Variants in COL25A1 observed in about 807,000 individuals in gnomAD.
COL25A1 encodes collagen alpha-1(XXV) chain.
COL25A1 carries 103 observed loss-of-function variants against 128.4 expected under a neutral mutation model. The ratio of observed to expected loss-of-function variants is 0.80; its 90% CI spans 0.68 to 0.94. The LOEUF (loss-of-function observed/expected upper bound fraction) is 0.94. COL25A1 is among the 40% of genes least tolerant of loss of function. The pLI is 0.00. For missense variants in COL25A1, 745 were observed against 840.0 expected (o/e 0.89, Z 1.40); for synonymous variants, 279 against 277.2 (o/e 1.01, Z -0.06).
chr4:109,195,681 T>C (rs1372158682), intron 3 of COL25A1, among the ~76,000 whole-genome samples: 1 of 152,166 alleles, frequency 6.6e-6, no homozygotes, highest in African/African-American at 2.4e-5. Flanking sequence ...TTTCCCAGAC[T>C]GTCATATTGA....
In COL25A1 at chr4:108,812,632, A is replaced by G. The variant is rs1730885202; in HGVS notation, c.*1295T>C. On this transcript the variant is annotated 3_prime_UTR_variant, in exon 38 of 38. Transcript: ENST00000399132. ...CAAAACATATGTGACAAAAACTGAA[A>G]CTAATATTTTTTCAATATTCTTGGG... The G allele has an allele frequency of 6.6e-6, 1 of 152,198 alleles. No homozygotes were observed. The allele number at this position is 152,198 out of a possible 1,614,324, so 9.4% of individuals were successfully genotyped here. A position where few individuals can be genotyped will look rare whatever the true frequency, so the allele number is the denominator to read the frequency against.
intron 3 of COL25A1, among the ~76,000 whole-genome samples, chr4:109,071,198 A>G (rs1159950655): frequency 6.6e-6 from 1 of 152,226 alleles, no homozygotes; most frequent in East Asian, 1.9e-4. Context: ...AAATGGGGAA[A>G]GGATTCCCTA....
intron 32 of COL25A1, among the ~76,000 whole-genome samples, chr4:108,827,866 C>G (rs1013166700): frequency 1.2e-4 from 19 of 152,204 alleles, no homozygotes; most frequent in Middle Eastern, 3.4e-3. Context: ...CAGGGAAACC[C>G]TTTCTCGATT....
At chr4:109,187,202 C>T (rs74873442) in intron 3 of COL25A1, among the ~76,000 whole-genome samples, 2 of 19,314 alleles carry the variant, frequency 1.0e-4, no homozygotes, top group South Asian at 1.2e-3. Context: ...TTGCTCTCTA[C>T]ACACACACAC....
intron 6 of COL25A1, among the ~76,000 whole-genome samples, chr4:108,984,637 C>A (rs921004212): frequency 6.6e-6 from 1 of 152,236 alleles, no homozygotes; most frequent in African/African-American, 2.4e-5. Context: ...GCCAGCCGGC[C>A]GCTCCGAAGT....
chr4:109,025,870 T>C (rs1210315076), intron 5 of COL25A1, among the ~76,000 whole-genome samples: 1 of 151,696 alleles, frequency 6.6e-6, no homozygotes, highest in African/African-American at 2.4e-5. Flanking sequence ...TTCAGAGAGG[T>C]TAAATAACGT....
chr4:109,098,791 G>T (rs1230684458), intron 3 of COL25A1, among the ~76,000 whole-genome samples: 1 of 152,170 alleles, frequency 6.6e-6, no homozygotes, highest in Admixed American at 6.5e-5. Flanking sequence ...TTTAAGCACA[G>T]GATGTTTAGT....
At chr4:109,014,098 G>A (rs1164099226) in intron 5 of COL25A1, among the ~76,000 whole-genome samples, 2 of 152,172 alleles carry the variant, frequency 1.3e-5, no homozygotes, top group Non-Finnish European at 2.9e-5. Flanking sequence ...CTTGAGGTCA[G>A]GGGTTTGAGA....
chr4:109,068,426 AG>A (rs1387079232), intron 3 of COL25A1, among the ~76,000 whole-genome samples: 1 of 151,970 alleles, frequency 6.6e-6, no homozygotes, highest in Admixed American at 6.6e-5. Flanking sequence ...GAAGGGAGGG[AG>A]GGAAGCAGGG....
chr4:109,175,224 T>A (rs1773977461), intron 3 of COL25A1, among the ~76,000 whole-genome samples: 2 of 152,186 alleles, frequency 1.3e-5, no homozygotes, highest in Admixed American at 1.3e-4. Context: ...CTTCTACTCA[T>A]GGCCAAGGTC....
At chr4:108,835,593 T>G (rs1261575609) in intron 31 of COL25A1, among the ~76,000 whole-genome samples, 1 of 152,150 alleles carries the variant, frequency 6.6e-6, no homozygotes, top group Non-Finnish European at 1.5e-5. Context: ...TCACCCTTGT[T>G]GCCCAGGCTG....
intron 3 of COL25A1, among the ~76,000 whole-genome samples, chr4:109,176,223 C>T (rs1774082357): frequency 6.6e-6 from 1 of 152,156 alleles, no homozygotes; most frequent in South Asian, 2.1e-4. Context: ...AACCCTGTCT[C>T]TACTAAAATA....
chr4:109,008,544 A>C (rs1444568497), intron 6 of COL25A1, among the ~76,000 whole-genome samples: 2 of 152,226 alleles, frequency 1.3e-5, no homozygotes, highest in Non-Finnish European at 2.9e-5. Flanking sequence ...TCCTATTAAA[A>C]ATTAAAATAT....
Position 108,954,337 on chromosome 4 carries a change from G to A in COL25A1, c.493-12900C>T, listed in dbSNP as rs116763453. On this transcript the variant is annotated intron_variant, in intron 8 of 37. Transcript: ENST00000399132. ...GTGGTTGATAATGTTGTTATTTAAC[G>A]AAATGCAGTACATTTTTTATATTAA... Among the ~76,000 whole-genome samples the A allele has an allele frequency of 3.2e-3, 491 of 152,046 alleles. 3 individuals are homozygous for A. Among genetic ancestry groups the A allele is most frequent in the Non-Finnish European group, 6.2e-3 (424 of 67,908 alleles).
At chr4:108,828,927 T>C (rs529805513) in intron 32 of COL25A1, among the ~76,000 whole-genome samples, 11 of 152,352 alleles carry the variant, frequency 7.2e-5, no homozygotes, top group Admixed American at 2.6e-4. Flanking sequence ...GCATTTTCTT[T>C]ATCTAAATTT....
intron 16 of COL25A1, among the ~76,000 whole-genome samples, chr4:108,894,768 T>G (rs1398960038): frequency 6.6e-6 from 1 of 152,226 alleles, no homozygotes; most frequent in Non-Finnish European, 1.5e-5. Flanking sequence ...ATTTCAAATT[T>G]TGACTTTGAG....
intron 3 of COL25A1, among the ~76,000 whole-genome samples, chr4:109,087,124 T>C (rs974498354): frequency 6.6e-6 from 1 of 152,028 alleles, no homozygotes; most frequent in South Asian, 2.1e-4. Flanking sequence ...TGACAAAATG[T>C]TCCAAGAAGA....
At chr4:109,026,679 G>A (rs977448753) in intron 5 of COL25A1, among the ~76,000 whole-genome samples, 1 of 152,180 alleles carries the variant, frequency 6.6e-6, no homozygotes, top group South Asian at 2.1e-4. Flanking sequence ...AAAGAAATAG[G>A]AGAGTAGCTA....
intron 35 of COL25A1, among the ~76,000 whole-genome samples, chr4:108,823,071 A>T (rs915031691): frequency 6.6e-6 from 1 of 152,198 alleles, no homozygotes; most frequent in Non-Finnish European, 1.5e-5. Flanking sequence ...AACTTACACC[A>T]CAAGCTTAAT....
Sources: allele counts gnomAD v4.1 joint callset (sites outside exome capture counted in the v4.1 genomes callset), GRCh38; gene constraint gnomAD v4.1.1; transcripts MANE v1.5; gene names NCBI Gene and HGNC (gene_info 2026-07-23, HGNC 2026-07-21).